PKNOX2: variants seen among roughly 807,000 people sequenced by gnomAD.
PKNOX2 encodes the protein homeobox protein PKNOX2.
A neutral mutation model predicts 53.1 loss-of-function variants in PKNOX2; 14 were observed. The observed-to-expected ratio is 0.26, with a 90% CI of 0.17 to 0.41. The LOEUF is 0.41. PKNOX2 is among the 10% of genes least tolerant of loss of function. PKNOX2 has a pLI of 1.00. For missense variants in PKNOX2, 496 were observed against 602.8 expected (o/e 0.82, Z 1.85); for synonymous variants, 257 against 242.8 (o/e 1.06, Z -0.54).
chr11:125,328,822 G>A (rs1949986879), intron 2 of PKNOX2, among the ~76,000 whole-genome samples: 4 of 152,224 alleles, frequency 2.6e-5, no homozygotes, highest in African/African-American at 4.8e-5. Flanking sequence ...CAAGCCCTGT[G>A]CTTGACTTTC....
intron 2 of PKNOX2, among the ~76,000 whole-genome samples, chr11:125,305,922 A>C (rs1419283191): frequency 6.6e-6 from 1 of 152,216 alleles, no homozygotes; most frequent in African/African-American, 2.4e-5. Context: ...GCAAGGATAT[A>C]AAATGCTAAA....
chr11:125,301,941 A>C lies in PKNOX2; in HGVS notation c.-129-29878A>C, dbSNP rs549494883. On this transcript the variant is annotated intron_variant, in intron 2 of 12. Transcript: ENST00000298282. ...ATTTACTAGGCACCTACTGTGTGCAAAGTTCGGGGCATGGTCCCTCTGGAG... is the reference window on the plus strand; with the variant it reads ...ATTTACTAGGCACCTACTGTGTGCACAGTTCGGGGCATGGTCCCTCTGGAG... Among the ~76,000 whole-genome samples the C allele has an allele frequency of 2.6e-5, 4 of 152,344 alleles. No individual in the cohort carries two copies. The East Asian group carries it at 7.7e-4, about 29-fold the overall frequency.
rs1022375597 is a variant in PKNOX2, at chr11:125,358,507, C to T, written c.87+7115C>T. 1.9e-4 allele frequency among the ~76,000 whole-genome samples: 29 copies of T among 152,342 alleles called. 1 individual carries two copies. Among genetic ancestry groups the T allele is most frequent in the African/African-American group, 2.2e-4 (9 of 41,580 alleles). ...TAGGGGCAGTGAATGTTCCATGAGTCACATTGTGTAAACCACCACTTACAA... is the reference window on the plus strand; with the variant it reads ...TAGGGGCAGTGAATGTTCCATGAGTTACATTGTGTAAACCACCACTTACAA... On this transcript the variant is annotated intron_variant, in intron 4 of 12. Transcript: ENST00000298282.
intron 2 of PKNOX2, among the ~76,000 whole-genome samples, chr11:125,261,370 C>T (rs1039471499): frequency 1.3e-5 from 2 of 152,208 alleles, no homozygotes; most frequent in Non-Finnish European, 2.9e-5. Context: ...ACCATGATTG[C>T]CAAGCGAGTG....
At chr11:125,367,786 G>T (rs1163159212) in intron 4 of PKNOX2, 60 bp from the exon 5 acceptor site, 2 of 1,567,440 alleles carry the variant, frequency 1.3e-6, no homozygotes, top group Non-Finnish European at 1.7e-6. Context: ...TCACACTACA[G>T]CCTGGAGACC....
At chr11:125,258,820 C>G in intron 2 of PKNOX2, 2 of 321,380 alleles carry the variant, frequency 6.2e-6, no homozygotes, top group South Asian at 2.3e-5. Flanking sequence ...CTCTTTAACC[C>G]AAACCAGAAG....
rs186779112 is a variant in PKNOX2, at chr11:125,197,320, G to A, written c.-201+32544G>A. 4.1e-3 allele frequency among the ~76,000 whole-genome samples: 617 copies of A among 152,304 alleles called. 5 individuals are homozygous for A. Among genetic ancestry groups the A allele is most frequent in the African/African-American group, 0.013 (552 of 41,554 alleles). On this transcript the variant is annotated intron_variant, in intron 1 of 12. Transcript: ENST00000298282. ...TAATTACTGCCCAGGCTTAGGGGGT[G>A]GCTGAGCAGTGAACCCAGAGACTGC...
At chr11:125,230,866 T>C (rs907749193) in intron 1 of PKNOX2, among the ~76,000 whole-genome samples, 1 of 152,190 alleles carries the variant, frequency 6.6e-6, no homozygotes, top group African/African-American at 2.4e-5. Flanking sequence ...AAATTGAGGT[T>C]CATAGAAGCT....
At chr11:125,237,280 C>T (rs1942774979) in intron 2 of PKNOX2, among the ~76,000 whole-genome samples, 2 of 152,198 alleles carry the variant, frequency 1.3e-5, no homozygotes, top group African/African-American at 4.8e-5. Context: ...CCTTTTATTA[C>T]CTGCCCTTCA....
chr11:125,428,280 T>C (rs529604723), intron 10 of PKNOX2, among the ~76,000 whole-genome samples: 1 of 152,020 alleles, frequency 6.6e-6, no homozygotes, highest in Non-Finnish European at 1.5e-5. Context: ...TAAAGTGGCA[T>C]CATGAAGCAA....
intron 3 of PKNOX2, among the ~76,000 whole-genome samples, chr11:125,343,358 G>T (rs535464246): frequency 6.6e-6 from 1 of 152,250 alleles, no homozygotes; most frequent in Admixed American, 6.5e-5. Flanking sequence ...AGAATGCAAG[G>T]GCTGTGCTCC....
Position 125,410,358 on chromosome 11 carries a change from G to A in PKNOX2, c.718+33G>A, listed in dbSNP as rs574999312. 4.5e-4 allele frequency: 730 copies of A among 1,612,334 alleles called. 8 individuals are homozygous for A. In the South Asian group the frequency reaches 7.5e-3, roughly 17 times the overall value. ...CAAAGACTGGGAAGGGTGATTGTGG[G>A]AATTCCCTGGGAGGAGAAAGGGTGG... On this transcript the variant is annotated intron_variant, in intron 8 of 12. Transcript: ENST00000298282.
At chr11:125,295,624 C>A (rs2135932298) in intron 2 of PKNOX2, among the ~76,000 whole-genome samples, 1 of 152,208 alleles carries the variant, frequency 6.6e-6, no homozygotes, top group Admixed American at 6.5e-5. Flanking sequence ...GGGGTGTCAC[C>A]AGAATAGGGT....
chr11:125,165,196 C>T lies in PKNOX2; in HGVS notation c.-201+420C>T, dbSNP rs1361368672. Among the ~76,000 whole-genome samples, 2 of 150,966 alleles carry T rather than the reference C, an allele frequency of 1.3e-5. No homozygotes were observed. The highest frequency in any genetic ancestry group is 3.0e-5 in the Non-Finnish European group (2 of 67,716). On this transcript the variant is annotated intron_variant, in intron 1 of 12. Transcript: ENST00000298282. This position sits in a 1 kb window ranked among gnomAD's most constrained non-coding sequence, Gnocchi z 4.5. ...CGCCGCGCTTGGGCCCGTGGCCGGCCGCGCATTGTCCTCGGGTGCAAGGAG... is the reference window on the plus strand; with the variant it reads ...CGCCGCGCTTGGGCCCGTGGCCGGCTGCGCATTGTCCTCGGGTGCAAGGAG...
At chr11:125,294,878 G>A (rs2135928569) in intron 2 of PKNOX2, among the ~76,000 whole-genome samples, 1 of 152,358 alleles carries the variant, frequency 6.6e-6, no homozygotes, top group Admixed American at 6.5e-5. Context: ...GAGTATTGGG[G>A]CTCTCTGAGA....
At chr11:125,186,544 CAGG>C (rs375987173) in intron 1 of PKNOX2, among the ~76,000 whole-genome samples, 78 of 152,204 alleles carry the variant, frequency 5.1e-4, no homozygotes, top group Non-Finnish European at 9.6e-4. Context: ...CCCAGCTACT[CAGG>C]AGGTTGAGAT....
intron 4 of PKNOX2, among the ~76,000 whole-genome samples, chr11:125,365,505 T>G (rs1952143529): frequency 6.6e-6 from 1 of 152,242 alleles, no homozygotes; most frequent in East Asian, 1.9e-4. Context: ...TTTAACTTAT[T>G]AGATGAGGAA....
chr11:125,318,193 GC>G (rs748052935), intron 2 of PKNOX2, among the ~76,000 whole-genome samples: 29 of 151,852 alleles, frequency 1.9e-4, no homozygotes, highest in Non-Finnish European at 3.4e-4. Flanking sequence ...TGCAACTTCT[GC>G]CCCCTGGGTT....
chr11:125,310,225 G>A (rs10893368), intron 2 of PKNOX2, among the ~76,000 whole-genome samples: 34,887 of 151,776 alleles, frequency 0.23, 4,649 homozygotes, highest in East Asian at 0.51. Context: ...GGCCGGGCGC[G>A]GTGGCTCACA....
Sources: gnomAD v4.1 joint callset for allele counts (sites outside exome capture counted in the v4.1 genomes callset) on GRCh38, gnomAD v4.1.1 for gene constraint, Gnocchi (gnomAD v3.1) non-coding constraint, MANE v1.5 for transcripts, NCBI Gene and HGNC (gene_info 2026-07-23, HGNC 2026-07-21) for gene names.